The following STOX1 variants were observed in gnomAD, a reference collection of about 807,000 sequenced individuals.
STOX1 encodes the protein storkhead-box protein 1.
In STOX1, 57 loss-of-function variants were observed where a neutral mutation model predicts 74.8. The ratio of observed to expected loss-of-function variants is 0.76; its 90% CI spans 0.62 to 0.95. STOX1 has a LOEUF of 0.95. Ranked by LOEUF, STOX1 falls within the 40% of genes least tolerant of loss-of-function variation. STOX1 has a pLI of 0.00. For missense variants in STOX1, 1,010 were observed against 1,117.0 expected (o/e 0.90, Z 1.37); for synonymous variants, 375 against 401.3 (o/e 0.93, Z 0.78).
At chr10:68,848,414 T>C (rs962381845) in intron 1 of STOX1, among the ~76,000 whole-genome samples, 3 of 152,196 alleles carry the variant, frequency 2.0e-5, no homozygotes, top group Non-Finnish European at 4.4e-5. Context: ...GTGTGGGCTT[T>C]CCATGCTACT....
chr10:68,830,020 G>A (rs1370453623), intron 1 of STOX1, among the ~76,000 whole-genome samples: 1 of 152,150 alleles, frequency 6.6e-6, no homozygotes, highest in Non-Finnish European at 1.5e-5. Flanking sequence ...TGCAGGGTGG[G>A]GGGTCTAGAC....
Position 68,892,678 on chromosome 10 carries a change from G to C in STOX1, c.2912G>C (p.Ser971Thr). The change falls in exon 4 of 4, where the codon AGC becomes ACC. Residue 971 changes from serine to threonine, a missense_variant. By Grantham distance (58) the Ser-to-Thr change is moderately conservative (BLOSUM62 1). Transcript: ENST00000298596. ...CTGCAAAATGTCGAAGGCACAAAGA[G>C]CAGTCAACCACTCACATCTAATTCC... The part of the protein sequence containing the change: ...NFLQNVEGTK[S>T]SQPLTSNSLL... The C allele has an allele frequency of 6.2e-7, 1 of 1,613,974 alleles. No homozygotes were observed. Among genetic ancestry groups the C allele is most frequent in the Non-Finnish European group, 8.5e-7 (1 of 1,179,940 alleles).
chr10:68,852,345 G>A (rs539997054), intron 1 of STOX1, among the ~76,000 whole-genome samples: 5 of 136,292 alleles, frequency 3.7e-5, no homozygotes, highest in African/African-American at 5.5e-5. Flanking sequence ...TGCAAGCTCC[G>A]CTTCCCGGGT....
At chr10:68,895,096 T>C (rs911284007), downstream of STOX1, 7 of 152,226 alleles carry the variant, frequency 4.6e-5, no homozygotes, top group African/African-American at 1.4e-4. Context: ...TCCCATTGTT[T>C]AGGGCATTCA....
At chr10:68,892,154 G>A (rs920719470) in intron 3 of STOX1, among the ~76,000 whole-genome samples, 3 of 152,012 alleles carry the variant, frequency 2.0e-5, no homozygotes, top group South Asian at 2.1e-4. Context: ...GTTAGATAAT[G>A]GGCTAATATA....
At chr10:68,890,776 G>A (rs1841080856) in intron 3 of STOX1, among the ~76,000 whole-genome samples, 1 of 150,710 alleles carries the variant, frequency 6.6e-6, no homozygotes, top group African/African-American at 2.4e-5. Flanking sequence ...TCAGCCTCCT[G>A]AGTAGCTGGG....
chr10:68,886,451 TC>T lies in STOX1; in HGVS notation c.2656del (p.Gln886ArgfsTer8). On this transcript the variant is annotated frameshift_variant, in exon 3 of 4. Coordinates refer to ENST00000298596, the MANE Select transcript of STOX1 (RefSeq NM_152709.5). LOFTEE classifies it high-confidence loss of function. ...CAGGAAAGAAGCCAGCTAGCTGGAG[TC>T]AGAGTCCTCAGAATCAGGAAATGAG... Reference protein sequence around the residue: ...DTGKKPASWSQSPQNQEMRKH... With the variant: ...DTGKKPASWSXSPQNQEMRKH... 6.2e-7 allele frequency: 1 copy of T among 1,613,918 alleles called. No individual in the cohort carries two copies. Among genetic ancestry groups the T allele is most frequent in the Non-Finnish European group, 8.5e-7 (1 of 1,179,992 alleles).
intron 1 of STOX1, among the ~76,000 whole-genome samples, chr10:68,831,481 G>C (rs1246219700): frequency 1.3e-5 from 2 of 152,128 alleles, no homozygotes; most frequent in African/African-American, 4.8e-5. Flanking sequence ...CACTGCGCCT[G>C]GCTAGATGTT....
chr10:68,879,249 T>C (rs1264350081), intron 1 of STOX1, among the ~76,000 whole-genome samples: 1 of 152,168 alleles, frequency 6.6e-6, no homozygotes, highest in Non-Finnish European at 1.5e-5. Context: ...GAATAGCTCC[T>C]CAAACCCCCT....
At chr10:68,839,117 T>C (rs1027494290) in intron 1 of STOX1, among the ~76,000 whole-genome samples, 2 of 152,220 alleles carry the variant, frequency 1.3e-5, no homozygotes, top group African/African-American at 4.8e-5. Flanking sequence ...CAAAGTGAGC[T>C]ACAGATTCAA....
chr10:68,866,210 A>G (rs556373464), intron 1 of STOX1, among the ~76,000 whole-genome samples: 8 of 152,214 alleles, frequency 5.3e-5, no homozygotes, highest in African/African-American at 1.9e-4. Flanking sequence ...CAGGTTGTCC[A>G]TTGGGCCCTT....
chr10:68,846,072 C>T (rs1312053932), intron 1 of STOX1, among the ~76,000 whole-genome samples: 1 of 151,082 alleles, frequency 6.6e-6, no homozygotes, highest in African/African-American at 2.4e-5. Context: ...ATCTATAATG[C>T]ATTTCATGTT....
At chr10:68,861,860 G>A (rs1264972911) in intron 1 of STOX1, among the ~76,000 whole-genome samples, 1 of 152,078 alleles carries the variant, frequency 6.6e-6, no homozygotes, top group East Asian at 1.9e-4. Flanking sequence ...AAAGTTTGTA[G>A]AGTGTCCTTC....
rs1484311866 is a variant in STOX1 at position 68,892,658 on chromosome 10, A to C, written c.2892A>C (p.Gln964His). The C allele has an allele frequency of 6.2e-7, 1 of 1,613,872 alleles. No homozygotes were observed. Among genetic ancestry groups the C allele is most frequent in the Admixed American group, 1.7e-5 (1 of 60,020 alleles). The change falls in exon 4 of 4, where the codon CAA becomes CAC. Residue 964 changes from glutamine (Q) to histidine (H), a missense_variant. Coordinates refer to ENST00000298596, the MANE Select transcript of STOX1 (RefSeq NM_152709.5). ...TAAAAAGAAGACAGAATTTTCTGCA[A>C]AATGTCGAAGGCACAAAGAGCAGTC... ...DGLKRRQNFL[Q>H]NVEGTKSSQP...
At chr10:68,873,973 T>A (rs72801540) in intron 1 of STOX1, among the ~76,000 whole-genome samples, 9,552 of 146,226 alleles carry the variant, frequency 0.065, 452 homozygotes, top group Non-Finnish European at 0.099. Flanking sequence ...TTGTTTTTTT[T>A]AATCCTGAGT....
intron 1 of STOX1, among the ~76,000 whole-genome samples, chr10:68,832,661 T>TAA (rs201819482): frequency 1.5e-5 from 1 of 66,942 alleles, no homozygotes; most frequent in Non-Finnish European, 3.5e-5. Flanking sequence ...GAAAATGTCT[T>TAA]AAAAAAAAAA....
At chr10:68,830,662 T>C (rs144391186) in intron 1 of STOX1, among the ~76,000 whole-genome samples, 92 of 152,228 alleles carry the variant, frequency 6.0e-4, no homozygotes, top group Non-Finnish European at 1.2e-3. Flanking sequence ...CTTTATAATA[T>C]TTTTATTCCT....
At chr10:68,842,241 C>G (rs999431990) in intron 1 of STOX1, among the ~76,000 whole-genome samples, 6 of 152,084 alleles carry the variant, frequency 3.9e-5, no homozygotes, top group African/African-American at 1.4e-4. Flanking sequence ...TTTGGACATC[C>G]CATAGGTTCA....
At chr10:68,882,221 T>C (rs1196759776) in intron 2 of STOX1, 111 bp downstream of exon 2, 27 of 1,028,730 alleles carry the variant, frequency 2.6e-5, no homozygotes, top group Middle Eastern at 2.7e-4. Context: ...CCCTCTTCTA[T>C]AGAACTTTAT....
Sources: gnomAD v4.1 joint callset for allele counts (sites outside exome capture counted in the v4.1 genomes callset) on GRCh38, gnomAD v4.1.1 for gene constraint, MANE v1.5 for transcripts, NCBI Gene and HGNC (gene_info 2026-07-23, HGNC 2026-07-21) for gene names.